EPHA6: variants seen among roughly 807,000 people sequenced by gnomAD.
EPHA6 encodes ephrin type-A receptor 6.
Under a neutral mutation model 112.0 loss-of-function variants are expected in EPHA6, and 50 were observed. That is an observed-to-expected ratio of 0.45 (90% CI 0.36 to 0.56). The LOEUF (loss-of-function observed/expected upper bound fraction) is 0.56, where lower values mean the gene tolerates loss of function less well. Ranked by LOEUF, EPHA6 falls within the 20% of genes least tolerant of loss-of-function variation. The pLI, the probability that EPHA6 is intolerant of heterozygous loss-of-function variation, is 0.00. For missense variants in EPHA6, 1,280 were observed against 1,417.4 expected (o/e 0.90, Z 1.56); for synonymous variants, 529 against 490.7 (o/e 1.08, Z -1.03).
chr3:97,688,760 T>C (rs2032442973), intron 14 of EPHA6, among the ~76,000 whole-genome samples: 1 of 152,034 alleles, frequency 6.6e-6, no homozygotes, highest in Non-Finnish European at 1.5e-5. Context: ...GTAACGTACT[T>C]CTACCCACTT....
rs780244403 is a variant in EPHA6 at position 97,492,547 on chromosome 3, C to CAAAAAAAAAAAAAAAAAAAA, written c.2200+8516_2200+8535dup. On this transcript the variant is annotated intron_variant, in intron 10 of 17. Transcript: ENST00000389672. ...ACAGAGCGAGAGTGAGACTCAGTCT[C>CAAAAAAAAAAAAAAAAAAAA]AAAAAAAAAAAAAAAAAAAAAAAAA... Among the ~76,000 whole-genome samples the CAAAAAAAAAAAAAAAAAAAA allele has an allele frequency of 2.1e-4, 6 of 28,920 alleles. 1 individual carries two copies. The highest frequency in any genetic ancestry group is 3.2e-4 in the Non-Finnish European group (4 of 12,638). The allele number at this position is 28,920 out of a possible 152,430, so 19.0% of individuals were successfully genotyped here.
chr3:97,702,560 T>A (rs2033455021), intron 14 of EPHA6, among the ~76,000 whole-genome samples: 1 of 152,184 alleles, frequency 6.6e-6, no homozygotes, highest in African/African-American at 2.4e-5. Context: ...AGAAACTTTT[T>A]CCCCATTCAT....
chr3:97,024,305 G>A (rs1375531605), intron 3 of EPHA6, among the ~76,000 whole-genome samples: 1 of 152,058 alleles, frequency 6.6e-6, no homozygotes, highest in Non-Finnish European at 1.5e-5. Flanking sequence ...TCAGTCATGG[G>A]AAGAGGTGGT....
At chr3:97,665,161 A>G (rs1278597917) in intron 14 of EPHA6, among the ~76,000 whole-genome samples, 1 of 152,136 alleles carries the variant, frequency 6.6e-6, no homozygotes, top group Non-Finnish European at 1.5e-5. Context: ...CAGAAATAAT[A>G]CCACACATCT....
At chr3:97,578,010 G>T (rs1458378898) in intron 11 of EPHA6, among the ~76,000 whole-genome samples, 1 of 152,026 alleles carries the variant, frequency 6.6e-6, no homozygotes, top group Admixed American at 6.6e-5. Flanking sequence ...AAGAAGAATA[G>T]GCTAGAACAG....
At chr3:97,363,834 G>A (rs562165863) in intron 5 of EPHA6, among the ~76,000 whole-genome samples, 260 of 152,136 alleles carry the variant, frequency 1.7e-3, no homozygotes, top group Non-Finnish European at 3.0e-3. Flanking sequence ...AAAACAGAAG[G>A]AAATTCTTAC....
intron 2 of EPHA6, among the ~76,000 whole-genome samples, chr3:96,911,687 A>G (rs2039222281): frequency 6.6e-6 from 1 of 152,122 alleles, no homozygotes; most frequent in Non-Finnish European, 1.5e-5. Flanking sequence ...AATATTTTTA[A>G]TACAATGGAA....
intron 14 of EPHA6, among the ~76,000 whole-genome samples, chr3:97,671,811 A>G (rs1341689647): frequency 6.6e-6 from 1 of 152,108 alleles, no homozygotes; most frequent in Non-Finnish European, 1.5e-5. Flanking sequence ...ATGAAATTCC[A>G]GTATAGATTT....
chr3:97,406,295 T>C (rs1486025045), intron 6 of EPHA6, among the ~76,000 whole-genome samples: 1 of 152,160 alleles, frequency 6.6e-6, no homozygotes, highest in Non-Finnish European at 1.5e-5. Context: ...CTTATGGTTC[T>C]GGAGACGAAG....
chr3:96,973,420 G>T (rs560131458), intron 2 of EPHA6, among the ~76,000 whole-genome samples: 3 of 152,164 alleles, frequency 2.0e-5, no homozygotes, highest in East Asian at 3.9e-4. Flanking sequence ...TTAGATGTAC[G>T]TAAGTTTGGT....
At position 97,549,959 on chromosome 3, in the gene EPHA6, CTG is replaced by C. The variant is rs1232140490; in HGVS notation, c.2386+17419_2386+17420del. Among the ~76,000 whole-genome samples the C allele has an allele frequency of 2.6e-5, 4 of 152,250 alleles. No individual in the cohort carries two copies. In the East Asian group the frequency reaches 7.7e-4, roughly 29 times the overall value. ...GTGAAAATGAGAGTGAGTGGTGAGT[CTG>C]TGAGTGTTCATGTAAAAGCAGCTGA... is the stretch of plus-strand genomic sequence containing the variant. On this transcript the variant is annotated intron_variant, in intron 11 of 17. Transcript: ENST00000389672.
chr3:96,829,940 C>T (rs979342019), intron 1 of EPHA6, among the ~76,000 whole-genome samples: 6 of 101,398 alleles, frequency 5.9e-5, no homozygotes, highest in Admixed American at 1.3e-4. Context: ...CGTGCATGTG[C>T]GCGCGCGCGC....
chr3:97,626,233 C>T (rs185021804), intron 13 of EPHA6, among the ~76,000 whole-genome samples: 2 of 151,786 alleles, frequency 1.3e-5, no homozygotes, highest in Admixed American at 6.6e-5. Flanking sequence ...GGCCTGTTGG[C>T]CCAGTTATAT....
At chr3:96,918,723 A>G (rs1471533560) in intron 2 of EPHA6, among the ~76,000 whole-genome samples, 1 of 152,022 alleles carries the variant, frequency 6.6e-6, no homozygotes, top group Non-Finnish European at 1.5e-5. Context: ...GGAAGGTATA[A>G]CTATTTTTTT....
rs554016364 is a variant in EPHA6, at chr3:97,367,572, AT to A, written c.1607-37568del. On this transcript the variant is annotated intron_variant, in intron 5 of 17. Transcript: ENST00000389672. ...TTGTGTTGGGGGGTTGTTTTTATTT[AT>A]TTTTTTTTTGTAGTTTTCTGTTTCT... Among the ~76,000 whole-genome samples the A allele has an allele frequency of 4.0e-3, 596 of 147,810 alleles. 7 individuals carry two copies. In the South Asian group the frequency reaches 0.056, roughly 14 times the overall value.
intron 5 of EPHA6, among the ~76,000 whole-genome samples, chr3:97,380,688 A>T (rs2085673105): frequency 6.6e-6 from 1 of 152,228 alleles, no homozygotes. Context: ...GGCTAATCAC[A>T]GTATATTTAA....
At chr3:97,219,238 T>A (rs1559806241) in intron 3 of EPHA6, among the ~76,000 whole-genome samples, 1 of 152,116 alleles carries the variant, frequency 6.6e-6, no homozygotes, top group South Asian at 2.1e-4. Flanking sequence ...CCTCTTCTCA[T>A]AGCACCACTA....
Position 97,470,594 on chromosome 3 carries a change from G to C in EPHA6, c.1895-4758G>C, listed in dbSNP as rs1479177826. The stretch of plus-strand genomic sequence containing the variant: ...TTCTTTGGTTAAAAATAGCCAAATT[G>C]CCTTTCTCCGACACTTTCCTAAAGA... On this transcript the variant is annotated intron_variant, in intron 7 of 17. Transcript: ENST00000389672. Among the ~76,000 whole-genome samples, 6 of 151,616 alleles carry C rather than the reference G, an allele frequency of 4.0e-5. No individual in the cohort carries two copies. The East Asian group carries it at 1.2e-3, about 29-fold the overall frequency.
At chr3:97,223,137 A>G (rs1335539356) in intron 3 of EPHA6, among the ~76,000 whole-genome samples, 1 of 152,242 alleles carries the variant, frequency 6.6e-6, no homozygotes, top group East Asian at 1.9e-4. Flanking sequence ...TTTGCCAAAT[A>G]TACCTCATTT....
Sources: gnomAD v4.1 joint callset for allele counts (sites outside exome capture counted in the v4.1 genomes callset) on GRCh38, gnomAD v4.1.1 for gene constraint, MANE v1.5 for transcripts, NCBI Gene and HGNC (gene_info 2026-07-23, HGNC 2026-07-21) for gene names.